LCOR: variants seen among roughly 807,000 people sequenced by gnomAD.
LCOR encodes ligand-dependent corepressor.
In LCOR, 14 loss-of-function variants were observed where a neutral mutation model predicts 64.4. The observed-to-expected ratio is 0.22, with a 90% confidence interval of 0.14 to 0.34. LCOR has a LOEUF of 0.34. LCOR is among the 10% of genes least tolerant of loss of function. The pLI, the probability that LCOR is intolerant of heterozygous loss-of-function variation, is 1.00. For missense variants in LCOR, 1,686 were observed against 1,765.3 expected, an observed-to-expected ratio of 0.96 and a Z score of 0.80; for synonymous variants, 643 against 642.5, an observed-to-expected ratio of 1.00 and a Z score of -0.01.
intron 4 of LCOR, among the ~76,000 whole-genome samples, chr10:96,912,017 C>T (rs191264948): frequency 1.3e-5 from 2 of 152,086 alleles, no homozygotes; most frequent in Admixed American, 6.5e-5. Context: ...CTGCACCCTC[C>T]ACCTCCCTGG....
At chr10:96,869,407 G>GT (rs1465610327) in intron 2 of LCOR, among the ~76,000 whole-genome samples, 2 of 152,090 alleles carry the variant, frequency 1.3e-5, no homozygotes, top group African/African-American at 4.8e-5. Flanking sequence ...TAGAGATGGG[G>GT]TTTCACCATG....
In LCOR at chr10:96,984,880, GAA is replaced by G. The variant is rs774236499; in HGVS notation, c.4424_4425del (p.Lys1475ArgfsTer27). On this transcript the variant is annotated frameshift_variant, in exon 8 of 8. Coordinates refer to ENST00000421806, the MANE Select transcript of LCOR (RefSeq NM_001346516.2). LOFTEE classifies it high-confidence loss of function. ...GAAGAGCTGCCCTCCCTCCAGGAAA[GAA>G]AAAGAGAATACAAACAAAAGGCCTT... ...AGKSCPPSRK[E>X]KENTNKRPSQ... The G allele has an allele frequency of 6.2e-7, 1 of 1,613,736 alleles. No homozygotes were observed. Among genetic ancestry groups the G allele is most frequent in the Non-Finnish European group, 8.5e-7 (1 of 1,179,954 alleles).
chr10:96,909,385 C>G (rs762148034), intron 4 of LCOR, among the ~76,000 whole-genome samples: 24 of 152,318 alleles, frequency 1.6e-4, no homozygotes, highest in Non-Finnish European at 3.1e-4. Flanking sequence ...TTTGTTTTTA[C>G]TCTTAAGCCC....
intron 2 of LCOR, among the ~76,000 whole-genome samples, chr10:96,878,133 A>G (rs1393631110): frequency 3.3e-5 from 5 of 152,202 alleles, no homozygotes; most frequent in Non-Finnish European, 5.9e-5. Context: ...AATGCAGACC[A>G]TGTGAGGTGT....
At chr10:96,955,575 T>G in intron 7 of LCOR, 1 of 1,614,136 alleles carries the variant, frequency 6.2e-7, no homozygotes, top group Non-Finnish European at 8.5e-7. Flanking sequence ...TGCTGAGCAG[T>G]CTACCTCTGG....
chr10:96,901,543 T>C (rs1332656520), intron 2 of LCOR, among the ~76,000 whole-genome samples: 1 of 152,216 alleles, frequency 6.6e-6, no homozygotes, highest in African/African-American at 2.4e-5. Context: ...GCCCATTAGA[T>C]AAGAAGACTC....
chr10:96,840,800 C>G (rs1196056626), intron 2 of LCOR, among the ~76,000 whole-genome samples: 3 of 152,188 alleles, frequency 2.0e-5, no homozygotes, highest in Non-Finnish European at 4.4e-5. Context: ...TATAACAATA[C>G]CATTTGAAGT....
At chr10:96,920,597 T>C (rs958194051) in intron 4 of LCOR, among the ~76,000 whole-genome samples, 3 of 144,156 alleles carry the variant, frequency 2.1e-5, no homozygotes, top group Non-Finnish European at 4.6e-5. Flanking sequence ...TGTATATATG[T>C]ATGTATATTC....
chr10:96,873,573 T>C (rs201163186), intron 2 of LCOR, among the ~76,000 whole-genome samples: 4 of 64,760 alleles, frequency 6.2e-5, no homozygotes, highest in East Asian at 7.4e-4. Context: ...CACACACACG[T>C]GTGTGTGTGT....
chr10:96,952,897 CAA>C (rs1847705800), intron 7 of LCOR, among the ~76,000 whole-genome samples: 1 of 151,986 alleles, frequency 6.6e-6, no homozygotes, highest in Non-Finnish European at 1.5e-5. Flanking sequence ...AACTGTGTGA[CAA>C]AAAATCAACT....
intron 2 of LCOR, among the ~76,000 whole-genome samples, chr10:96,833,909 G>A (rs1471784203): frequency 6.6e-6 from 1 of 152,096 alleles, no homozygotes; most frequent in Admixed American, 6.5e-5. Context: ...TCTGTTGGGG[G>A]GAAGGGTGGA....
intron 7 of LCOR, among the ~76,000 whole-genome samples, chr10:96,978,097 G>C (rs1848052774): frequency 1.3e-5 from 2 of 152,168 alleles, no homozygotes; most frequent in South Asian, 4.1e-4. Context: ...CTTTCATCTG[G>C]TAGACATAGT....
At chr10:96,932,037 C>G (rs1002598003) in intron 4 of LCOR, among the ~76,000 whole-genome samples, 2 of 152,148 alleles carry the variant, frequency 1.3e-5, no homozygotes, top group South Asian at 2.1e-4. Context: ...TAATCTAGGT[C>G]TTTGATCTTT....
intron 2 of LCOR, among the ~76,000 whole-genome samples, chr10:96,857,439 C>G (rs538931237): frequency 2.6e-5 from 4 of 152,246 alleles, no homozygotes; most frequent in African/African-American, 9.6e-5. Context: ...TTTATCATGT[C>G]CAGCTTCAGC....
rs1355460978 is a variant in LCOR at position 96,983,433 on chromosome 10, G to C, written c.2973G>C (p.Val991=). 1.2e-6 allele frequency: 2 copies of C among 1,614,092 alleles called. No individual in the cohort carries two copies. The highest frequency in any genetic ancestry group is 2.7e-5 in the African/African-American group (2 of 74,938). The change falls in exon 8 of 8, where the codon GTG becomes GTC. Residue 991 remains valine, a synonymous_variant. Transcript: ENST00000421806. This position sits in a 1 kb window ranked among gnomAD's most constrained non-coding sequence, Gnocchi z 4.5. ...CCACACAGCATGTGGAGGAGGCTGT[G>C]AATGAGGTAGACAACGAAAACACCC... ...HIPTQHVEEA[V]NEVDNENTQQ...
At chr10:96,878,382 C>T (rs1260697284) in intron 2 of LCOR, among the ~76,000 whole-genome samples, 1 of 152,070 alleles carries the variant, frequency 6.6e-6, no homozygotes, top group Non-Finnish European at 1.5e-5. Context: ...TAGTAGAGGA[C>T]AGAAGTGATT....
At chr10:96,898,302 C>T (rs1194511863) in intron 2 of LCOR, among the ~76,000 whole-genome samples, 5 of 151,994 alleles carry the variant, frequency 3.3e-5, no homozygotes, top group Admixed American at 3.3e-4. Flanking sequence ...GCTCAAGTGG[C>T]GTGGAAGCAT....
In LCOR at chr10:96,917,641, A is replaced by G. The variant is rs115527872; in HGVS notation, c.-184+9894A>G. ...GGTTGGTTTGGTAATTGTTTTTAGG[A>G]TGTAGTACAGAAGGATTTACAGCGA... On this transcript the variant is annotated intron_variant, in intron 4 of 7. Coordinates refer to ENST00000421806, the MANE Select transcript of LCOR (RefSeq NM_001346516.2). Among the ~76,000 whole-genome samples, 344 of 152,302 alleles carry G rather than the reference A, an allele frequency of 2.3e-3. 5 individuals carry two copies. Among genetic ancestry groups the G allele is most frequent in the African/African-American group, 7.9e-3 (330 of 41,560 alleles).
intron 4 of LCOR, among the ~76,000 whole-genome samples, chr10:96,937,105 T>C (rs1389634595): frequency 6.6e-6 from 1 of 152,198 alleles, no homozygotes; most frequent in Admixed American, 6.5e-5. Context: ...GAGTGGACCC[T>C]AAATCCAATG....
Sources: gnomAD v4.1 joint callset for allele counts (sites outside exome capture counted in the v4.1 genomes callset) on GRCh38, gnomAD v4.1.1 for gene constraint, Gnocchi (gnomAD v3.1) non-coding constraint, MANE v1.5 for transcripts, NCBI Gene and HGNC (gene_info 2026-07-23, HGNC 2026-07-21) for gene names.